The following DPP10 variants were observed in gnomAD, a reference collection of about 807,000 sequenced individuals.
The protein encoded by DPP10 is dipeptidyl peptidase like 10.
Under a neutral mutation model 120.9 loss-of-function variants are expected in DPP10, and 33 were observed. The ratio of observed to expected loss-of-function variants is 0.27; its 90% CI spans 0.21 to 0.37. The LOEUF is 0.37. Among genes scored for constraint, DPP10 ranks in the 10% least tolerant of loss-of-function variants. The probability of loss-of-function intolerance (pLI) is 1.00; values close to 1 mark genes in which losing one functional copy is unlikely to be tolerated. For missense variants in DPP10, 816 were observed against 942.8 expected (o/e 0.87, Z 1.76); for synonymous variants, 337 against 326.1 (o/e 1.03, Z -0.36).
intron 17 of DPP10, among the ~76,000 whole-genome samples, chr2:115,786,156 CAG>C: frequency 6.6e-6 from 1 of 152,252 alleles, no homozygotes; most frequent in Non-Finnish European, 1.5e-5. Flanking sequence ...ATGCTTATAA[CAG>C]TCTATGATTA....
chr2:114,575,319 T>C (rs2105044530), intron 1 of DPP10, among the ~76,000 whole-genome samples: 1 of 152,244 alleles, frequency 6.6e-6, no homozygotes, highest in African/African-American at 2.4e-5. Context: ...TGTGGGTGGC[T>C]CAGTCTCTGG....
intron 4 of DPP10, among the ~76,000 whole-genome samples, chr2:115,511,157 G>A (rs1415587655): frequency 6.6e-6 from 1 of 152,034 alleles, no homozygotes; most frequent in Non-Finnish European, 1.5e-5. Context: ...TTTTGGAAAA[G>A]TTTATGAAGG....
chr2:115,003,135 G>GACT (rs1399015188), intron 1 of DPP10, among the ~76,000 whole-genome samples: 3 of 136,800 alleles, frequency 2.2e-5, no homozygotes, highest in Non-Finnish European at 4.6e-5. Context: ...CAGTAGACTA[G>GACT]ATAAAGAAAA....
intron 1 of DPP10, among the ~76,000 whole-genome samples, chr2:114,769,853 A>G (rs1681094776): frequency 6.6e-6 from 1 of 152,222 alleles, no homozygotes; most frequent in Non-Finnish European, 1.5e-5. Context: ...AAGACATTGG[A>G]AAAGGGAGAC....
chr2:115,652,435 G>A (rs1346841103), intron 5 of DPP10, among the ~76,000 whole-genome samples: 1 of 151,508 alleles, frequency 6.6e-6, no homozygotes, highest in Admixed American at 6.6e-5. Context: ...GTGTGTGTGT[G>A]TGTGTGTATT....
At chr2:115,453,459 T>C (rs2073284391) in intron 3 of DPP10, among the ~76,000 whole-genome samples, 1 of 151,580 alleles carries the variant, frequency 6.6e-6, no homozygotes, top group African/African-American at 2.4e-5. Context: ...GAGAATATTT[T>C]CTCTGGCAAA....
Position 115,500,328 on chromosome 2 carries a change from T to A in DPP10, c.366+724T>A, listed in dbSNP as rs568677644. ...ACTTACTATTTTATTGTAATTAAAG[T>A]TTCAATAGACTGCCAATTAGATGAA... On this transcript the variant is annotated intron_variant, in intron 4 of 25. Coordinates refer to ENST00000410059, the MANE Select transcript of DPP10 (RefSeq NM_020868.6). Among the ~76,000 whole-genome samples the A allele has an allele frequency of 1.9e-4, 29 of 152,022 alleles. No individual in the cohort carries two copies. The South Asian group carries it at 5.0e-3, about 26-fold the overall frequency.
intron 1 of DPP10, among the ~76,000 whole-genome samples, chr2:115,026,746 A>C (rs1050802065): frequency 1.3e-5 from 2 of 152,094 alleles, no homozygotes; most frequent in Non-Finnish European, 2.9e-5. Flanking sequence ...CATGTTGGCC[A>C]GGCTGCTCTC....
intron 1 of DPP10, among the ~76,000 whole-genome samples, chr2:114,626,788 A>G (rs541298561): frequency 2.0e-5 from 3 of 152,060 alleles, no homozygotes; most frequent in East Asian, 1.9e-4. Context: ...ATCAGCCACA[A>G]TTTTCTTCTA....
intron 5 of DPP10, among the ~76,000 whole-genome samples, chr2:115,674,183 C>T (rs2090105836): frequency 6.6e-6 from 1 of 152,002 alleles, no homozygotes; most frequent in South Asian, 2.1e-4. Context: ...CGAGATCATG[C>T]CATTGCACTC....
chr2:114,980,059 A>G (rs1456304835), intron 1 of DPP10, among the ~76,000 whole-genome samples: 1 of 152,114 alleles, frequency 6.6e-6, no homozygotes, highest in African/African-American at 2.4e-5. Context: ...TTAAACAAGT[A>G]ATTTTATTTC....
At chr2:115,716,374 A>G (rs997793780) in intron 7 of DPP10, among the ~76,000 whole-genome samples, 2 of 152,224 alleles carry the variant, frequency 1.3e-5, no homozygotes, top group African/African-American at 2.4e-5. Flanking sequence ...TTATGTATAC[A>G]TCATAGGTAG....
intron 1 of DPP10, among the ~76,000 whole-genome samples, chr2:115,094,263 A>C (rs1369259242): frequency 6.6e-6 from 1 of 152,182 alleles, no homozygotes; most frequent in African/African-American, 2.4e-5. Flanking sequence ...ATATGACAGC[A>C]GCTGACCTTT....
intron 1 of DPP10, among the ~76,000 whole-genome samples, chr2:115,272,865 T>C (rs2059757201): frequency 6.6e-6 from 1 of 152,240 alleles, no homozygotes; most frequent in Non-Finnish European, 1.5e-5. Context: ...TTCCGTTTCT[T>C]TTCCTCAGAA....
At chr2:115,670,183 C>A (rs893059071) in intron 5 of DPP10, among the ~76,000 whole-genome samples, 1 of 152,004 alleles carries the variant, frequency 6.6e-6, no homozygotes, top group African/African-American at 2.4e-5. Context: ...TAAGGGCTTC[C>A]AGCTTTATGA....
At position 115,679,935 on chromosome 2, in the gene DPP10, G is replaced by A. The variant is rs78456156; in HGVS notation, c.442-9752G>A. ...GAGTCCTAGAATTCTATACTACCTC[G>A]GGCAACTATAGTTAACAATAATTTA... On this transcript the variant is annotated intron_variant, in intron 5 of 25. Coordinates refer to ENST00000410059, the MANE Select transcript of DPP10 (RefSeq NM_020868.6). Among the ~76,000 whole-genome samples the A allele has an allele frequency of 9.9e-3, 1,509 of 151,742 alleles. 24 individuals carry two copies. Among genetic ancestry groups the A allele is most frequent in the African/African-American group, 0.032 (1,319 of 41,406 alleles).
At chr2:115,288,588 G>C (rs71418547) in intron 1 of DPP10, among the ~76,000 whole-genome samples, 1 of 151,464 alleles carries the variant, frequency 6.6e-6, no homozygotes, top group African/African-American at 2.4e-5. Context: ...AGGCCTGGTT[G>C]GGGGGGAGCC....
intron 1 of DPP10, among the ~76,000 whole-genome samples, chr2:114,479,559 C>T (rs150844785): frequency 6.0e-4 from 92 of 152,170 alleles, no homozygotes; most frequent in African/African-American, 8.4e-4. Context: ...GAAATAATGC[C>T]GCATATCTAC....
chr2:115,029,761 T>G (rs941920828), intron 1 of DPP10, among the ~76,000 whole-genome samples: 20 of 152,210 alleles, frequency 1.3e-4, no homozygotes, highest in Non-Finnish European at 2.4e-4. Flanking sequence ...ATTAAAATTA[T>G]TTGCAAACCA....
Sources: gnomAD v4.1 joint callset for allele counts (sites outside exome capture counted in the v4.1 genomes callset) on GRCh38, gnomAD v4.1.1 for gene constraint, MANE v1.5 for transcripts, NCBI Gene and HGNC (gene_info 2026-07-23, HGNC 2026-07-21) for gene names.